Variants in HECTD4 observed in about 807,000 individuals in gnomAD.
HECTD4 encodes the protein probable E3 ubiquitin-protein ligase HECTD4.
HECTD4 carries 114 observed loss-of-function variants against 471.5 expected under a neutral mutation model. The ratio of observed to expected loss-of-function variants is 0.24; its 90% CI spans 0.21 to 0.28. HECTD4 has a LOEUF of 0.28. HECTD4 is among the 10% of genes least tolerant of loss of function. The probability of loss-of-function intolerance (pLI) is 1.00; values close to 1 mark genes in which losing one functional copy is unlikely to be tolerated. For synonymous variants in HECTD4, 2,012 were observed against 2,256.0 expected (o/e 0.89, Z 3.07); for missense variants, 3,866 against 5,651.5 (o/e 0.68, Z 10.13).
intron 7 of HECTD4, chr12:112,302,373 G>A (rs1403983558): frequency 2.7e-6 from 2 of 754,352 alleles, no homozygotes; most frequent in Non-Finnish European, 4.9e-6. Flanking sequence ...CTGTATTTGT[G>A]GGCCAGCTTA....
intron 37 of HECTD4, among the ~76,000 whole-genome samples, chr12:112,233,360 C>T (rs1192848970): frequency 6.6e-6 from 1 of 151,424 alleles, no homozygotes; most frequent in Non-Finnish European, 1.5e-5. Context: ...ACAGCTGGGA[C>T]CACAGGTTCA....
At chr12:112,278,372 C>T (rs1297389595) in intron 9 of HECTD4, among the ~76,000 whole-genome samples, 1 of 152,304 alleles carries the variant, frequency 6.6e-6, no homozygotes, top group Admixed American at 6.5e-5. Context: ...CCACCGCCCC[C>T]AGCCTGAGGA....
intron 1 of HECTD4, among the ~76,000 whole-genome samples, chr12:112,348,481 T>C (rs1057120867): frequency 2.6e-5 from 4 of 152,300 alleles, no homozygotes; most frequent in African/African-American, 9.6e-5. Context: ...ATAAAAAATG[T>C]GGGCCGGGAG....
At chr12:112,302,860 T>C (rs1594026975) in intron 7 of HECTD4, among the ~76,000 whole-genome samples, 2 of 152,290 alleles carry the variant, frequency 1.3e-5, no homozygotes, top group East Asian at 3.9e-4. Flanking sequence ...GCTTCCTATG[T>C]GCTGAACCCC....
At chr12:112,335,702 A>G (rs951227311) in intron 1 of HECTD4, among the ~76,000 whole-genome samples, 2 of 152,138 alleles carry the variant, frequency 1.3e-5, no homozygotes, top group African/African-American at 4.8e-5. Flanking sequence ...ACAAAAGACT[A>G]TAAATTGGGT....
At chr12:112,285,791 C>T (rs555855875) in intron 7 of HECTD4, among the ~76,000 whole-genome samples, 1 of 152,014 alleles carries the variant, frequency 6.6e-6, no homozygotes, top group Non-Finnish European at 1.5e-5. Context: ...CCCTCCCCAC[C>T]GACATTTCTA....
intron 1 of HECTD4, among the ~76,000 whole-genome samples, chr12:112,371,842 T>C (rs959550393): frequency 3.0e-4 from 41 of 136,904 alleles, no homozygotes; most frequent in African/African-American, 1.1e-3. Context: ...GCCGAGATTG[T>C]GCCGTTGCAC....
At chr12:112,286,025 C>T (rs2034745946) in intron 7 of HECTD4, among the ~76,000 whole-genome samples, 1 of 151,972 alleles carries the variant, frequency 6.6e-6, no homozygotes, top group Non-Finnish European at 1.5e-5. Context: ...CAATAGATAC[C>T]TTAAAAACAA....
intron 60 of HECTD4, among the ~76,000 whole-genome samples, chr12:112,189,688 T>TGGGGGA (rs2032012185): frequency 6.6e-6 from 1 of 151,822 alleles, no homozygotes; most frequent in Admixed American, 6.6e-5. Context: ...CCAACTTTCC[T>TGGGGGA]CTTTATTTCC....
intron 47 of HECTD4, 90 bp from the exon 48 acceptor site, chr12:112,216,461 G>C (rs545578329): frequency 1.1e-6 from 1 of 870,264 alleles, no homozygotes; most frequent in South Asian, 1.5e-5. Context: ...AAGTGGAGGG[G>C]GGGTGGTCAG....
At chr12:112,237,516 T>C (rs1437997554) in intron 34 of HECTD4, among the ~76,000 whole-genome samples, 1 of 152,212 alleles carries the variant, frequency 6.6e-6, no homozygotes, top group Admixed American at 6.5e-5. Flanking sequence ...GTATTTGTTG[T>C]TTCCTGAACT....
At chr12:112,315,716 A>G (rs2035464392) in intron 2 of HECTD4, among the ~76,000 whole-genome samples, 1 of 152,114 alleles carries the variant, frequency 6.6e-6, no homozygotes, top group Non-Finnish European at 1.5e-5. Flanking sequence ...GCCAGATTCA[A>G]TCAGATTTGT....
intron 7 of HECTD4, among the ~76,000 whole-genome samples, chr12:112,294,846 A>T (rs1210613451): frequency 6.6e-6 from 1 of 152,216 alleles, no homozygotes; most frequent in Non-Finnish European, 1.5e-5. Context: ...CCCATTGTTA[A>T]ACTTTAAAAA....
At chr12:112,212,982 G>C (rs2032808853) in intron 48 of HECTD4, among the ~76,000 whole-genome samples, 3 of 152,122 alleles carry the variant, frequency 2.0e-5, no homozygotes, top group Admixed American at 2.0e-4. Context: ...TTTTAGTAGA[G>C]ACAGGGTTTT....
intron 1 of HECTD4, among the ~76,000 whole-genome samples, chr12:112,337,023 G>T (rs1299756306): frequency 2.0e-5 from 3 of 152,122 alleles, no homozygotes; most frequent in Non-Finnish European, 4.4e-5. Flanking sequence ...TTCTTCCAAT[G>T]CTAGGAAGCT....
At position 112,230,808 on chromosome 12, in the gene HECTD4, C is replaced by A; in HGVS notation, c.6215G>T (p.Arg2072Leu). Residue 2072 changes from arginine to leucine, a missense_variant, in exon 40 of 76, where the codon CGT (arginine) becomes CTT (leucine). Coordinates refer to ENST00000682272, the MANE Select transcript of HECTD4 (RefSeq NM_001388303.1). ...TGCCACATGCCCACTGATGAAGGGA[C>A]GCACAGGATCAGTCCTGCAAGTGTC... Reference protein sequence around the residue: ...NSELARTDPVRPFISGHVANS... With the variant: ...NSELARTDPVLPFISGHVANS... 6.2e-7 allele frequency: 1 copy of A among 1,610,006 alleles called. No individual in the cohort carries two copies. The highest frequency in any genetic ancestry group is 8.5e-7 in the Non-Finnish European group (1 of 1,178,200).
chr12:112,198,296 T>C (rs994668007), intron 55 of HECTD4, among the ~76,000 whole-genome samples: 2 of 152,178 alleles, frequency 1.3e-5, no homozygotes, highest in African/African-American at 4.8e-5. Flanking sequence ...CACTGAGATC[T>C]GAATTACAGA....
At chr12:112,205,244 T>C (rs973223027) in intron 52 of HECTD4, among the ~76,000 whole-genome samples, 6 of 151,652 alleles carry the variant, frequency 4.0e-5, no homozygotes, top group African/African-American at 1.2e-4. Flanking sequence ...GAGACCAGCC[T>C]GGCCAACATG....
Position 112,382,328 on chromosome 12 carries a change from GCC to G in HECTD4, c.-202_-201del. On this transcript the variant is annotated 5_prime_UTR_variant, in exon 1 of 76. Coordinates refer to ENST00000682272, the MANE Select transcript of HECTD4 (RefSeq NM_001388303.1). Reference sequence around the variant, plus strand: ...CCCCGGCCCGGGAGACCCCGGCCCTGCCGCCGCCGCCGCCGCCGCCGCCGCCG... The same window carrying G: ...CCCCGGCCCGGGAGACCCCGGCCCTGGCCGCCGCCGCCGCCGCCGCCGCCG... 2 of 218,114 alleles carry G rather than the reference GCC, an allele frequency of 9.2e-6. No homozygotes were observed. Among genetic ancestry groups the G allele is most frequent in the Non-Finnish European group, 7.3e-6 (1 of 137,052 alleles). 13.5% of individuals were successfully genotyped at this position (218,114 alleles called of 1,614,324 possible).
Sources: gnomAD v4.1 joint callset for allele counts (sites outside exome capture counted in the v4.1 genomes callset) on GRCh38, gnomAD v4.1.1 for gene constraint, MANE v1.5 for transcripts, NCBI Gene and HGNC (gene_info 2026-07-23, HGNC 2026-07-21) for gene names.